COL6A1: variants seen among roughly 807,000 people sequenced by gnomAD.
COL6A1 encodes the protein collagen type VI alpha 1 chain.
A neutral mutation model predicts 145.6 loss-of-function variants in COL6A1; 80 were observed. That is an observed-to-expected ratio of 0.55 (90% confidence interval 0.46 to 0.66). The LOEUF is 0.66. Among genes scored for constraint, COL6A1 ranks in the 30% least tolerant of loss-of-function variants. The probability of loss-of-function intolerance (pLI) is 0.00; values close to 1 mark genes in which losing one functional copy is unlikely to be tolerated. For missense variants in COL6A1, 1,364 were observed against 1,473.8 expected, an observed-to-expected ratio of 0.93 and a Z score of 1.22; for synonymous variants, 638 against 622.8, an observed-to-expected ratio of 1.02 and a Z score of -0.36.
intron 1 of COL6A1, among the ~76,000 whole-genome samples, 159 bp from the exon 2 acceptor site, chr21:45,982,466 CTCCCCACCG>C (rs1251452183): frequency 6.6e-6 from 1 of 152,186 alleles, no homozygotes; most frequent in Non-Finnish European, 1.5e-5. Context: ...ACTCCACCCC[CTCCCCACCG>C]TCCCCACCGA....
In COL6A1 at chr21:45,987,694, C is replaced by G. The variant is rs773595722; in HGVS notation, c.804+40C>G. On this transcript the variant is annotated intron_variant, in intron 8 of 34. Transcript: ENST00000361866. ...CTGCTCCTCCCATGTGTTGTGGGGC[C>G]TGGGAGTGGGGGTGGCAGGACCAAA... The G allele has an allele frequency of 3.3e-5, 53 of 1,586,798 alleles. No individual in the cohort carries two copies. In the East Asian group the frequency reaches 5.4e-4, roughly 16 times the overall value.
chr21:45,982,377 C>T (rs943681988), intron 1 of COL6A1, among the ~76,000 whole-genome samples: 1 of 151,856 alleles, frequency 6.6e-6, no homozygotes, highest in Non-Finnish European at 1.5e-5. Context: ...GGTCCCGTGC[C>T]GGGGACGCCC....
chr21:45,999,494 G>A (rs1261356168), intron 26 of COL6A1, 163 bp from the exon 27 acceptor site: 1 of 849,708 alleles, frequency 1.2e-6, no homozygotes, highest in Non-Finnish European at 1.9e-6. Context: ...AGCCCCAGCT[G>A]CCCTCACAGC....
At position 45,984,281 on chromosome 21, in the gene COL6A1, T is replaced by C; in HGVS notation, c.240T>C (p.Cys80=). Residue 80 remains cysteine, a synonymous_variant, in exon 3 of 35, where the codon TGT becomes TGC. Transcript: ENST00000361866. ...CTGTTCCTGGCAGGTACTACCGCTG[T>C]GACCGAAACCTGGTGTGGAACGCAG... is the stretch of plus-strand genomic sequence containing the variant. ...IDNLRDRYYR[C]DRNLVWNAGA... 6.2e-7 allele frequency: 1 copy of C among 1,608,556 alleles called. No homozygotes were observed. Among genetic ancestry groups the C allele is most frequent in the Non-Finnish European group, 8.5e-7 (1 of 1,178,112 alleles).
At chr21:45,993,131 A>G (rs2077786212) in intron 19 of COL6A1, among the ~76,000 whole-genome samples, 1 of 152,240 alleles carries the variant, frequency 6.6e-6, no homozygotes, top group African/African-American at 2.4e-5. Context: ...TCCCAGCGTG[A>G]GGAAGTTGGG....
Position 45,998,102 on chromosome 21 carries a change from G to T in COL6A1, c.1525-19G>T, listed in dbSNP as rs769397837. On this transcript the variant is annotated intron_variant, in intron 22 of 34. Transcript: ENST00000361866. ...AGGCCAGGCCGATTCGCACGGTGAC[G>T]GCTACTCTGCTCCCCCAGGGAGAAG... 1 of 1,611,422 alleles carries T rather than the reference G, an allele frequency of 6.2e-7. No individual in the cohort carries two copies. The highest frequency in any genetic ancestry group is 1.1e-5 in the South Asian group (1 of 90,880).
Position 45,990,375 on chromosome 21 carries a change from C to A in COL6A1, c.958-3C>A. ...CTCCTGCCTTCGTTTTCCCGCCTCA[C>A]AGGGAGAGAAGGGCAAGCGTGGCAT... On this transcript the variant is annotated splice_region_variant and splice_polypyrimidine_tract_variant and intron_variant, in intron 12 of 34. Coordinates refer to ENST00000361866, the MANE Select transcript of COL6A1 (RefSeq NM_001848.3). 6.9e-7 allele frequency: 1 copy of A among 1,440,828 alleles called. No individual in the cohort carries two copies. The highest frequency in any genetic ancestry group is 9.2e-7 in the Non-Finnish European group (1 of 1,081,348). The allele number at this position is 1,440,828 out of a possible 1,614,324, so 89.3% of individuals were successfully genotyped here.
chr21:46,000,490 G>T (rs1249011236), intron 28 of COL6A1, 123 bp downstream of exon 28: 3 of 1,279,714 alleles, frequency 2.3e-6, no homozygotes, highest in Admixed American at 3.7e-5. Flanking sequence ...CCTTGAGGAG[G>T]CTCCTCAGCC....
At chr21:45,982,503 T>C (rs1368711780) in intron 1 of COL6A1, 131 bp from the exon 2 acceptor site, 15 of 1,357,672 alleles carry the variant, frequency 1.1e-5, no homozygotes, top group Non-Finnish European at 1.5e-5. Flanking sequence ...CCTGCTGCCT[T>C]TTCCCGGGAG....
In COL6A1 at chr21:45,998,153, G is replaced by C. The variant is rs755375448; in HGVS notation, c.1557G>C (p.Glu519Asp). Reference protein sequence around the residue: ...GEDGPAGNGTEGFPGFPGYPG... With the variant: ...GEDGPAGNGTDGFPGFPGYPG... ...ACGGCCCCGCTGGAAATGGCACCGAGGGCTTCCCCGGCTTCCCCGTAAGTG... is the reference window on the plus strand; with the variant it reads ...ACGGCCCCGCTGGAAATGGCACCGACGGCTTCCCCGGCTTCCCCGTAAGTG... The change falls in exon 23 of 35, where the codon GAG (glutamate) becomes GAC (aspartate). Residue 519 changes from glutamate (E) to aspartate (D), a missense_variant. Glu to Asp is a conservative substitution (Grantham distance 45). Coordinates refer to ENST00000361866, the MANE Select transcript of COL6A1 (RefSeq NM_001848.3). 18 of 1,612,334 alleles carry C rather than the reference G, an allele frequency of 1.1e-5. No individual in the cohort carries two copies. The African/African-American group carries it at 1.6e-4, about 14-fold the overall frequency.
In COL6A1 at chr21:45,987,105, G is replaced by A. The variant is rs373394656; in HGVS notation, c.717+33G>A. 14 of 1,570,086 alleles carry A rather than the reference G, an allele frequency of 8.9e-6. No homozygotes were observed. The highest frequency in any genetic ancestry group is 1.9e-5 in the Admixed American group (1 of 53,512). On this transcript the variant is annotated intron_variant, in intron 5 of 34. Transcript: ENST00000361866. Reference sequence around the variant, plus strand: ...CCCTGCCCAGGAGACGGGGAGGCCCGCGGCGGCCGCAGGTGGAAAGTAATT... The same window carrying A: ...CCCTGCCCAGGAGACGGGGAGGCCCACGGCGGCCGCAGGTGGAAAGTAATT...
rs200727020 is a variant in COL6A1, at chr21:46,002,208, T to C, written c.2067-10T>C. On this transcript the variant is annotated splice_polypyrimidine_tract_variant and intron_variant, in intron 31 of 34. Transcript: ENST00000361866. ...GCCCCAACCGGCCCTTCCTGCCCTT[T>C]GCTATGCAGAGCCATCAAGAGCCTG... 6,784 of 1,597,336 alleles carry C rather than the reference T, an allele frequency of 4.2e-3. 17 individuals carry two copies. Among genetic ancestry groups the C allele is most frequent in the Non-Finnish European group, 5.3e-3 (6,201 of 1,175,330 alleles).
Position 46,000,751 on chromosome 21 carries a change from C to T in COL6A1, c.1814-8C>T, listed in dbSNP as rs777017599. 32 of 1,613,836 alleles carry T rather than the reference C, an allele frequency of 2.0e-5. No individual in the cohort carries two copies. Among genetic ancestry groups the T allele is most frequent in the African/African-American group, 5.3e-5 (4 of 74,926 alleles). On this transcript the variant is annotated splice_region_variant and splice_polypyrimidine_tract_variant and intron_variant, in intron 28 of 34. Transcript: ENST00000361866. ...ACTGGTCTAACTGACTCTTTCTCTT[C>T]TCCTCAGCTTGCTGTGGTGAGACCC... is the stretch of plus-strand genomic sequence containing the variant.
chr21:45,986,809 G>A, intron 4 of COL6A1, 124 bp downstream of exon 4: 1 of 1,515,700 alleles, frequency 6.6e-7, no homozygotes, highest in Non-Finnish European at 8.8e-7. Context: ...GGCCACCCTT[G>A]CCCCTGAGAG....
rs376592866 is a variant in COL6A1, at chr21:45,986,949, G to C, written c.594G>C (p.Pro198=). ...SVAITPDHLE[P]RLSIIATDHT... ...ACCCTGAACACTGCCCCCAGGAGCC[G>C]CGTCTGAGCATCATCGCCACGGACC... The change falls in exon 5 of 35, where the codon CCG becomes CCC. Residue 198 remains proline, a synonymous_variant. Coordinates refer to ENST00000361866, the MANE Select transcript of COL6A1 (RefSeq NM_001848.3). 6.5e-7 allele frequency: 1 copy of C among 1,549,478 alleles called. No individual in the cohort carries two copies. Among genetic ancestry groups the C allele is most frequent in the African/African-American group, 1.4e-5 (1 of 73,406 alleles).
At chr21:45,998,037 G>A (rs1189940629) in intron 22 of COL6A1, 84 bp from the exon 23 acceptor site, 1 of 1,531,424 alleles carries the variant, frequency 6.5e-7, no homozygotes, top group Admixed American at 1.8e-5. Flanking sequence ...GGCCCTGCGG[G>A]TGAGGTGCTC....
chr21:46,000,519 A>G, intron 28 of COL6A1, 152 bp downstream of exon 28: 1 of 1,171,652 alleles, frequency 8.5e-7, no homozygotes, highest in South Asian at 1.3e-5. Flanking sequence ...CCGGCCTCCA[A>G]AGCCCTCCCA....
At position 45,992,077 on chromosome 21, in the gene COL6A1, G is replaced by C. The variant is rs1473206283; in HGVS notation, c.1182+5G>C. 5.6e-6 allele frequency: 9 copies of C among 1,612,846 alleles called. No homozygotes were observed. The highest frequency in any genetic ancestry group is 7.6e-6 in the Non-Finnish European group (9 of 1,179,772). Reference sequence around the variant, plus strand: ...TCGGGACCATCTGGAGACGAGGTGAGGAGCTTCACAGCCCCCACACATGCC... The same window carrying C: ...TCGGGACCATCTGGAGACGAGGTGACGAGCTTCACAGCCCCCACACATGCC... On this transcript the variant is annotated splice_donor_5th_base_variant and intron_variant, in intron 16 of 34. Transcript: ENST00000361866.
chr21:45,996,491 C>T (rs1479575224), intron 20 of COL6A1, among the ~76,000 whole-genome samples: 1 of 152,238 alleles, frequency 6.6e-6, no homozygotes, highest in Admixed American at 6.5e-5. Flanking sequence ...TGGGCCAAGT[C>T]TGGTAGTGGG....
Sources: allele counts gnomAD v4.1 joint callset (sites outside exome capture counted in the v4.1 genomes callset), GRCh38; gene constraint gnomAD v4.1.1; transcripts MANE v1.5; gene names NCBI Gene and HGNC (gene_info 2026-07-23, HGNC 2026-07-21).